The following GPATCH2 variants were observed in gnomAD, a reference collection of about 807,000 sequenced individuals.
GPATCH2 encodes the protein G patch domain-containing protein 2.
In GPATCH2, 51 loss-of-function variants were observed where a neutral mutation model predicts 58.0. That is an observed-to-expected ratio of 0.88 (90% CI 0.70 to 1.11). The LOEUF is 1.11. Among genes scored for constraint, GPATCH2 ranks in the 50% most tolerant of loss-of-function variants. The probability of loss-of-function intolerance (pLI) is 0.00; values close to 1 mark genes in which losing one functional copy is unlikely to be tolerated. For synonymous variants in GPATCH2, 222 were observed against 218.5 expected (o/e 1.02, Z -0.14); for missense variants, 625 against 652.2 (o/e 0.96, Z 0.45).
At chr1:217,459,386 G>T (rs781403643) in intron 8 of GPATCH2, among the ~76,000 whole-genome samples, 3 of 152,146 alleles carry the variant, frequency 2.0e-5, no homozygotes, top group Non-Finnish European at 4.4e-5. Context: ...AACTGAAATT[G>T]GATATTGTCT....
chr1:217,619,336 T>G (rs1669065322), intron 2 of GPATCH2, among the ~76,000 whole-genome samples: 1 of 152,222 alleles, frequency 6.6e-6, no homozygotes, highest in Non-Finnish European at 1.5e-5. Context: ...CTCCAGATTT[T>G]TTATGTCAAG....
intron 5 of GPATCH2, among the ~76,000 whole-genome samples, chr1:217,543,084 C>T (rs942958526): frequency 2.0e-5 from 3 of 152,096 alleles, no homozygotes; most frequent in Admixed American, 6.6e-5. Flanking sequence ...TCCACTTAGC[C>T]TTATTTCATA....
At chr1:217,468,558 CACACAG>C (rs1364301406) in intron 8 of GPATCH2, among the ~76,000 whole-genome samples, 135 of 110,668 alleles carry the variant, frequency 1.2e-3, no homozygotes, top group African/African-American at 2.6e-3. Flanking sequence ...CACACACACA[CACACAG>C]AGAGAAAGAG....
intron 9 of GPATCH2, among the ~76,000 whole-genome samples, chr1:217,446,939 T>C (rs1558397615): frequency 1.3e-5 from 2 of 152,210 alleles, no homozygotes; most frequent in African/African-American, 2.4e-5. Context: ...TTCGGAGTGT[T>C]AGGACGTGAC....
intron 5 of GPATCH2, among the ~76,000 whole-genome samples, chr1:217,536,953 C>T (rs1296227486): frequency 1.3e-5 from 2 of 152,150 alleles, no homozygotes; most frequent in African/African-American, 4.8e-5. Flanking sequence ...GCCTGGGTGA[C>T]AGAGCGAGAC....
At chr1:217,574,462 C>T (rs1015559817) in intron 5 of GPATCH2, among the ~76,000 whole-genome samples, 1 of 152,014 alleles carries the variant, frequency 6.6e-6, no homozygotes, top group Admixed American at 6.6e-5. Flanking sequence ...GCTTGCAATG[C>T]GGAATGACAT....
At chr1:217,482,260 T>C (rs1363683570) in intron 8 of GPATCH2, among the ~76,000 whole-genome samples, 5 of 152,200 alleles carry the variant, frequency 3.3e-5, no homozygotes, top group South Asian at 4.1e-4. Context: ...GTTTTTGGTA[T>C]TGGGGCTACA....
intron 1 of GPATCH2, among the ~76,000 whole-genome samples, chr1:217,627,290 C>A (rs985677179): frequency 1.3e-5 from 2 of 151,958 alleles, no homozygotes; most frequent in Admixed American, 1.3e-4. Flanking sequence ...TATAACCATA[C>A]TGGGAATCTT....
chr1:217,506,422 A>G (rs1410701373), intron 6 of GPATCH2, among the ~76,000 whole-genome samples: 2 of 152,200 alleles, frequency 1.3e-5, no homozygotes, highest in Non-Finnish European at 2.9e-5. Context: ...CCAATATACT[A>G]TAACAGGGTT....
intron 5 of GPATCH2, among the ~76,000 whole-genome samples, chr1:217,556,956 T>C (rs1406351766): frequency 2.0e-5 from 3 of 152,236 alleles, no homozygotes; most frequent in Non-Finnish European, 2.9e-5. Flanking sequence ...TGAACACATA[T>C]CATGTTTATA....
chr1:217,502,032 C>T (rs75152943), intron 6 of GPATCH2, among the ~76,000 whole-genome samples: 1,603 of 151,576 alleles, frequency 0.011, 38 homozygotes, highest in African/African-American at 0.037. Flanking sequence ...TGTGTGTGTG[C>T]GGGGGGAGCT....
intron 5 of GPATCH2, among the ~76,000 whole-genome samples, chr1:217,556,605 C>G (rs2102681740): frequency 6.6e-6 from 1 of 152,198 alleles, no homozygotes; most frequent in Non-Finnish European, 1.5e-5. Context: ...ATCCATTTTC[C>G]TGCCAAGAGA....
intron 5 of GPATCH2, among the ~76,000 whole-genome samples, chr1:217,563,674 G>C (rs1480664511): frequency 6.6e-6 from 1 of 152,076 alleles, no homozygotes; most frequent in Non-Finnish European, 1.5e-5. Flanking sequence ...GCTCTACAAA[G>C]TAAAAAGAAA....
chr1:217,606,074 G>T (rs1036298399), intron 5 of GPATCH2, among the ~76,000 whole-genome samples: 30 of 151,936 alleles, frequency 2.0e-4, no homozygotes, highest in African/African-American at 7.3e-4. Flanking sequence ...AAAATCTCAG[G>T]ACTCTGTTTG....
chr1:217,500,817 T>C (rs1662260912), intron 6 of GPATCH2, among the ~76,000 whole-genome samples: 1 of 152,090 alleles, frequency 6.6e-6, no homozygotes, highest in African/African-American at 2.4e-5. Flanking sequence ...CTGTTAGTTC[T>C]TCTTATTTTT....
chr1:217,513,551 A>G (rs966087757), intron 6 of GPATCH2, among the ~76,000 whole-genome samples: 5 of 152,158 alleles, frequency 3.3e-5, no homozygotes, highest in African/African-American at 1.2e-4. Context: ...GTTCAATCAA[A>G]TTTGCAGGAG....
chr1:217,570,452 T>C (rs1666480676), intron 5 of GPATCH2, among the ~76,000 whole-genome samples: 2 of 152,202 alleles, frequency 1.3e-5, no homozygotes, highest in South Asian at 4.1e-4. Context: ...TGTTTGTTCC[T>C]GTTTTCTTTC....
At chr1:217,513,893 C>T (rs561220371) in intron 6 of GPATCH2, among the ~76,000 whole-genome samples, 3 of 151,346 alleles carry the variant, frequency 2.0e-5, no homozygotes, top group South Asian at 2.1e-4. Flanking sequence ...GGAGCGATCT[C>T]GGCTCACTGT....
chr1:217,621,623 G>C (rs1459791603), intron 1 of GPATCH2, among the ~76,000 whole-genome samples: 1 of 152,120 alleles, frequency 6.6e-6, no homozygotes, highest in African/African-American at 2.4e-5. Flanking sequence ...TTCTAATAAA[G>C]TTTTATTTAT....
Sources: allele counts gnomAD v4.1 joint callset (sites outside exome capture counted in the v4.1 genomes callset), GRCh38; gene constraint gnomAD v4.1.1; transcripts MANE v1.5; gene names NCBI Gene and HGNC (gene_info 2026-07-23, HGNC 2026-07-21).